TTC22: variants seen among roughly 807,000 people sequenced by gnomAD.
The protein encoded by TTC22 is tetratricopeptide repeat domain 22.
Under a neutral mutation model 48.2 loss-of-function variants are expected in TTC22, and 42 were observed. That is an observed-to-expected ratio of 0.87 (90% CI 0.68 to 1.13). TTC22 has a LOEUF of 1.13. TTC22 is among the 50% of genes most tolerant of loss of function. The probability of loss-of-function intolerance (pLI) is 0.00; values close to 1 mark genes in which losing one functional copy is unlikely to be tolerated. For missense variants in TTC22, 784 were observed against 807.0 expected (o/e 0.97, Z 0.34); for synonymous variants, 345 against 365.5 (o/e 0.94, Z 0.64).
intron 1 of TTC22, among the ~76,000 whole-genome samples, chr1:54,795,128 CAGA>C (rs926296164): frequency 9.8e-5 from 15 of 152,314 alleles, no homozygotes; most frequent in Non-Finnish European, 5.9e-5. Context: ...GGGGAGGAAA[CAGA>C]AGATGAGATT....
rs142848687 is a variant in TTC22, at chr1:54,801,101, G to A, written c.63C>T (p.Leu21=). The A allele has an allele frequency of 3.7e-6, 6 of 1,611,770 alleles. No individual in the cohort carries two copies. The highest frequency in any genetic ancestry group is 1.6e-4 in the Middle Eastern group (1 of 6,074). ...GCATCTCCAGGTGAAAGTGGCCCGG[G>A]AGGTAGTCCAGGTCGTCGATGAGGG... The part of the protein sequence containing the change: ...LDALIDDLDY[L]PGHFHLEMQL... The change falls in exon 1 of 7, where the codon CTC becomes CTT. Residue 21 remains leucine, a synonymous_variant. Transcript: ENST00000371276.
intron 1 of TTC22, among the ~76,000 whole-genome samples, chr1:54,790,836 C>T (rs550255920): frequency 5.9e-4 from 90 of 151,740 alleles, no homozygotes; most frequent in African/African-American, 2.2e-3. Context: ...CTTCCTTCTT[C>T]TTCTCCGTCC....
chr1:54,797,550 A>G (rs1333965297), intron 1 of TTC22, among the ~76,000 whole-genome samples: 1 of 152,132 alleles, frequency 6.6e-6, no homozygotes, highest in African/African-American at 2.4e-5. Context: ...TGGGAGGCTG[A>G]GCTGAGAGAA....
chr1:54,794,498 C>A (rs981761453), intron 1 of TTC22, among the ~76,000 whole-genome samples: 13 of 152,198 alleles, frequency 8.5e-5, no homozygotes, highest in Non-Finnish European at 1.5e-4. Context: ...ATACAGACAC[C>A]TTGCTTGTTC....
At chr1:54,783,418 C>T (rs1228391279) in intron 5 of TTC22, among the ~76,000 whole-genome samples, 1 of 152,154 alleles carries the variant, frequency 6.6e-6, no homozygotes, top group African/African-American at 2.4e-5. Flanking sequence ...TGGGGAATTA[C>T]CATGATGTCT....
In TTC22 at chr1:54,781,383, G is replaced by T; in HGVS notation, c.1570C>A (p.His524Asn). 7.2e-7 allele frequency: 1 copy of T among 1,385,888 alleles called. No homozygotes were observed. Among genetic ancestry groups the T allele is most frequent in the Non-Finnish European group, 9.3e-7 (1 of 1,080,960 alleles). 85.8% of individuals were successfully genotyped at this position (1,385,888 alleles called of 1,614,324 possible). A position where few individuals can be genotyped will look rare whatever the true frequency, so the allele number is the denominator to read the frequency against. Residue 524 changes from histidine (H) to asparagine (N), a missense_variant, in exon 7 of 7, where the codon CAC (histidine) becomes AAC (asparagine). Transcript: ENST00000371276. ...GCCAGCCCCAACACCTCGTCCGTGT[G>T]CCCGCGCCACACGCGCTGCAGCTCC... ...RQELQRVWRG[H>N]TDEVLGLARA...
At chr1:54,790,222 A>G (rs866412564) in intron 1 of TTC22, among the ~76,000 whole-genome samples, 29 of 152,334 alleles carry the variant, frequency 1.9e-4, no homozygotes, top group Middle Eastern at 3.4e-3. Flanking sequence ...CTCGAAAATC[A>G]AAATCAAAAT....
At chr1:54,792,003 GGTT>G in intron 1 of TTC22, among the ~76,000 whole-genome samples, 1 of 151,712 alleles carries the variant, frequency 6.6e-6, no homozygotes, top group Admixed American at 6.6e-5. Flanking sequence ...ACAGTCCAGT[GGTT>G]TCACCACCAC....
Position 54,781,108 on chromosome 1 carries a change from C to G in TTC22, c.*135G>C. ...GCGGGTGTCGCAACATCCCCATTCA[C>G]AATTCCCGACCAAGAATCGAACTGG... On this transcript the variant is annotated 3_prime_UTR_variant, in exon 7 of 7. Transcript: ENST00000371276. 1 of 611,004 alleles carries G rather than the reference C, an allele frequency of 1.6e-6. No homozygotes were observed. Among genetic ancestry groups the G allele is most frequent in the African/African-American group, 1.9e-5 (1 of 51,362 alleles). 37.8% of individuals were successfully genotyped at this position (611,004 alleles called of 1,614,324 possible).
chr1:54,795,570 G>A (rs1419108014), intron 1 of TTC22, among the ~76,000 whole-genome samples: 2 of 152,128 alleles, frequency 1.3e-5, no homozygotes, highest in Non-Finnish European at 2.9e-5. Flanking sequence ...CTCTAGCACC[G>A]GTAGTAGCTG....
intron 1 of TTC22, among the ~76,000 whole-genome samples, chr1:54,792,181 AAGT>A (rs1646357050): frequency 6.6e-6 from 1 of 152,240 alleles, no homozygotes; most frequent in African/African-American, 2.4e-5. Flanking sequence ...ATTTTCAAAA[AAGT>A]AGCTAATTGG....
In TTC22 at chr1:54,780,010, T is replaced by G. The variant is rs1015716674; in HGVS notation, c.*1233A>C. On this transcript the variant is annotated 3_prime_UTR_variant, in exon 7 of 7. Coordinates refer to ENST00000371276, the MANE Select transcript of TTC22 (RefSeq NM_001114108.2). ...GAGTACAGCCTGGAATTCCAGCTAC[T>G]CAGGAGGCTGAGGTACGAGAATCAC... 1 of 152,240 alleles carries G rather than the reference T, an allele frequency of 6.6e-6. No individual in the cohort carries two copies. Among genetic ancestry groups the G allele is most frequent in the African/African-American group, 2.4e-5 (1 of 41,428 alleles). The allele number at this position is 152,240 out of a possible 1,614,324, so 9.4% of individuals were successfully genotyped here.
chr1:54,796,353 C>T (rs1646390389), intron 1 of TTC22, among the ~76,000 whole-genome samples: 1 of 152,262 alleles, frequency 6.6e-6, no homozygotes, highest in Admixed American at 6.5e-5. Context: ...CCTCCCTCCC[C>T]AGCCGCCTCA....
chr1:54,787,168 A>G, intron 3 of TTC22, 93 bp from the exon 4 acceptor site: 1 of 630,830 alleles, frequency 1.6e-6, no homozygotes. Flanking sequence ...CCATGAAGAC[A>G]AAGCAAGGGA....
intron 5 of TTC22, 198 bp downstream of exon 5, chr1:54,785,785 T>C: frequency 1.8e-6 from 1 of 567,714 alleles, no homozygotes; most frequent in South Asian, 2.1e-5. Context: ...CATACTCCAG[T>C]TGGGTGACAG....
intron 5 of TTC22, chr1:54,785,332 ATT>A: frequency 3.4e-6 from 1 of 290,706 alleles, no homozygotes; most frequent in Non-Finnish European, 6.8e-6. Flanking sequence ...TATCTTACAG[ATT>A]TGGGAACTGA....
At chr1:54,786,301 G>A (rs1646300751) in intron 4 of TTC22, 157 bp from the exon 5 acceptor site, 5 of 640,476 alleles carry the variant, frequency 7.8e-6, no homozygotes, top group Non-Finnish European at 1.3e-5. Context: ...CCAGTAAGTT[G>A]TCACATCACG....
At position 54,780,361 on chromosome 1, in the gene TTC22, G is replaced by A. The variant is rs116079465; in HGVS notation, c.*882C>T. On this transcript the variant is annotated 3_prime_UTR_variant, in exon 7 of 7. Transcript: ENST00000371276. ...AAATTAGCCAGGCCTGATGGCACAC[G>A]TCTGTAATCCCAGCTACTTGGAAGG... is the stretch of plus-strand genomic sequence containing the variant. 0.06 allele frequency: 9,197 copies of A among 152,034 alleles called. 306 individuals carry two copies. Among genetic ancestry groups the A allele is most frequent in the East Asian group, 0.11 (590 of 5,164 alleles). The allele number at this position is 152,034 out of a possible 1,614,324, so 9.4% of individuals were successfully genotyped here. A position where few individuals can be genotyped will look rare whatever the true frequency, so the allele number is the denominator to read the frequency against.
intron 1 of TTC22, among the ~76,000 whole-genome samples, chr1:54,791,800 T>A (rs1646353824): frequency 6.6e-6 from 1 of 151,806 alleles, no homozygotes; most frequent in Non-Finnish European, 1.5e-5. Context: ...TGGCAAGAAG[T>A]TAAATTATGT....
Sources: allele counts gnomAD v4.1 joint callset (sites outside exome capture counted in the v4.1 genomes callset), GRCh38; gene constraint gnomAD v4.1.1; transcripts MANE v1.5; gene names NCBI Gene and HGNC (gene_info 2026-07-23, HGNC 2026-07-21).